Variants in RABGAP1L observed in about 807,000 individuals in gnomAD.
RABGAP1L encodes the protein rab GTPase-activating protein 1-like.
RABGAP1L carries 63 observed loss-of-function variants against 137.7 expected under a neutral mutation model. The ratio of observed to expected loss-of-function variants is 0.46; its 90% confidence interval spans 0.37 to 0.56. The LOEUF (loss-of-function observed/expected upper bound fraction) is 0.56, where lower values mean the gene tolerates loss of function less well. RABGAP1L is among the 20% of genes least tolerant of loss of function. The pLI, the probability that RABGAP1L is intolerant of heterozygous loss-of-function variation, is 0.00. For missense variants in RABGAP1L, 1,095 were observed against 1,244.0 expected (o/e 0.88, Z 1.80); for synonymous variants, 431 against 433.7 (o/e 0.99, Z 0.08).
intron 19 of RABGAP1L, among the ~76,000 whole-genome samples, chr1:174,890,806 G>C (rs1184311516): frequency 6.6e-6 from 1 of 151,692 alleles, no homozygotes; most frequent in Non-Finnish European, 1.5e-5. Context: ...GTTCATGAAG[G>C]GTGTCCTTGT....
intron 17 of RABGAP1L, among the ~76,000 whole-genome samples, chr1:174,734,965 T>TTC (rs918792535): frequency 6.8e-6 from 1 of 147,928 alleles, no homozygotes; most frequent in African/African-American, 2.5e-5. Flanking sequence ...TTTTTTTTTT[T>TTC]TTTTTTTTTT....
At chr1:174,679,780 A>G (rs553052524) in intron 14 of RABGAP1L, among the ~76,000 whole-genome samples, 4 of 152,350 alleles carry the variant, frequency 2.6e-5, no homozygotes, top group African/African-American at 9.6e-5. Context: ...ATTCAACACA[A>G]TCCCAGTCAA....
In RABGAP1L at chr1:174,219,188, A is replaced by G. The variant is rs1669565627; in HGVS notation, c.31A>G (p.Ser11Gly). MEVRASLQKV[S>G]GSSDSVATMN... ...GGTCAGAGCTTCATTACAGAAGGTTAGTGGATCATCTGATTCTGTGGCTAC... is the reference window on the plus strand; with the variant it reads ...GGTCAGAGCTTCATTACAGAAGGTTGGTGGATCATCTGATTCTGTGGCTAC... Residue 11 changes from serine (S) to glycine (G), a missense_variant, in exon 2 of 26, where the codon AGT (serine) becomes GGT (glycine). Ser to Gly is a moderately conservative substitution (Grantham distance 56, BLOSUM62 0). Around this residue, in one of 4 missense-constraint regions of RABGAP1L, gnomAD observed 356 missense variants for 326.3 expected, o/e 1.09. Transcript: ENST00000681986. 6.2e-7 allele frequency: 1 copy of G among 1,605,470 alleles called. No homozygotes were observed.
chr1:174,298,550 A>G (rs1206153064), intron 10 of RABGAP1L, among the ~76,000 whole-genome samples: 1 of 149,466 alleles, frequency 6.7e-6, no homozygotes, highest in Non-Finnish European at 1.5e-5. Context: ...TTTCTTTCCT[A>G]TGGCTTTGAC....
chr1:174,238,192 T>G (rs1183314786), intron 4 of RABGAP1L, among the ~76,000 whole-genome samples: 1 of 152,054 alleles, frequency 6.6e-6, no homozygotes, highest in African/African-American at 2.4e-5. Flanking sequence ...TTCAAAGTTT[T>G]CAACTTCTTT....
intron 7 of RABGAP1L, among the ~76,000 whole-genome samples, chr1:174,267,932 C>T (rs544944701): frequency 6.6e-6 from 1 of 152,094 alleles, no homozygotes; most frequent in African/African-American, 2.4e-5. Flanking sequence ...TTTGTGGTTC[C>T]ACACCACTGT....
At chr1:174,303,248 C>T (rs1677890614) in intron 10 of RABGAP1L, among the ~76,000 whole-genome samples, 1 of 151,630 alleles carries the variant, frequency 6.6e-6, no homozygotes, top group African/African-American at 2.4e-5. Flanking sequence ...GTTCTCAATT[C>T]AGCTTTGCAT....
At chr1:174,808,037 G>A (rs1689490873) in intron 18 of RABGAP1L, among the ~76,000 whole-genome samples, 2 of 146,740 alleles carry the variant, frequency 1.4e-5, no homozygotes, top group Non-Finnish European at 3.0e-5. Flanking sequence ...GGAGTGCAGT[G>A]CAGTGGCGCG....
At position 174,174,195 on chromosome 1, in the gene RABGAP1L, TACACACACACACACACACAC is replaced by T. The variant is rs56864336; in HGVS notation, c.-34+14558_-34+14577del. ...AGCAATGAAGAAATTGGAAAAAAAATACACACACACACACACACACACACACACACACACACACAACTGAA... is the reference window on the plus strand; with the variant it reads ...AGCAATGAAGAAATTGGAAAAAAAATACACACACACACACACACAACTGAA... On this transcript the variant is annotated intron_variant, in intron 1 of 25. Transcript: ENST00000681986. Among the ~76,000 whole-genome samples, 17 of 145,566 alleles carry T rather than the reference TACACACACACACACACACAC, an allele frequency of 1.2e-4. No homozygotes were observed. In the Admixed American group the frequency reaches 1.2e-3, roughly 10 times the overall value.
rs572217399 is a variant in RABGAP1L at position 174,756,468 on chromosome 1, TA to T, written c.2211+4115del. Among the ~76,000 whole-genome samples, 43 of 151,620 alleles carry T rather than the reference TA, an allele frequency of 2.8e-4. No individual in the cohort carries two copies. The South Asian group carries it at 7.7e-3, about 27-fold the overall frequency. On this transcript the variant is annotated intron_variant, in intron 18 of 25. Transcript: ENST00000681986. ...CCCTGCCCTGTACCATATATATATATATTTTTTTTTGAAAGCCACTGACTTT... is the reference window on the plus strand; with the variant it reads ...CCCTGCCCTGTACCATATATATATATTTTTTTTTTGAAAGCCACTGACTTT...
chr1:174,892,443 A>C (rs1191983791), intron 19 of RABGAP1L: 1 of 432,946 alleles, frequency 2.3e-6, no homozygotes, highest in Non-Finnish European at 4.5e-6. Context: ...GAAATTGTTC[A>C]TCAGCGTTAT....
At chr1:174,932,252 G>GC (rs1553285104) in intron 19 of RABGAP1L, among the ~76,000 whole-genome samples, 1 of 140,108 alleles carries the variant, frequency 7.1e-6, no homozygotes, top group Non-Finnish European at 1.6e-5. Flanking sequence ...ATACTTCTTT[G>GC]TTTTTTTTTT....
intron 3 of RABGAP1L, among the ~76,000 whole-genome samples, chr1:174,228,105 TTTC>T (rs1309179669): frequency 2.6e-5 from 4 of 152,068 alleles, no homozygotes; most frequent in Non-Finnish European, 5.9e-5. Flanking sequence ...GTCTTTCATT[TTTC>T]TTCTTATTTT....
intron 18 of RABGAP1L, among the ~76,000 whole-genome samples, chr1:174,769,905 G>C (rs1043701337): frequency 1.3e-5 from 2 of 152,146 alleles, no homozygotes; most frequent in African/African-American, 4.8e-5. Flanking sequence ...ATGGATTTCA[G>C]TTCTCCCTAG....
intron 13 of RABGAP1L, chr1:174,449,036 A>G (rs765811038): frequency 6.2e-7 from 1 of 1,613,934 alleles, no homozygotes; most frequent in Non-Finnish European, 8.5e-7. Context: ...TGCAATAAGT[A>G]ATAGTTTTTG....
At chr1:174,314,412 C>G (rs567089935) in intron 11 of RABGAP1L, among the ~76,000 whole-genome samples, 1 of 152,018 alleles carries the variant, frequency 6.6e-6, no homozygotes, top group Non-Finnish European at 1.5e-5. Flanking sequence ...TTTTCTTAGT[C>G]TGGCTAAAGG....
At chr1:174,340,773 T>C (rs1571298247) in intron 11 of RABGAP1L, among the ~76,000 whole-genome samples, 1 of 152,240 alleles carries the variant, frequency 6.6e-6, no homozygotes, top group Admixed American at 6.5e-5. Flanking sequence ...TTTATATTCT[T>C]TTGGGTATAT....
chr1:174,693,598 T>C (rs1459018331), intron 15 of RABGAP1L, among the ~76,000 whole-genome samples: 1 of 152,208 alleles, frequency 6.6e-6, no homozygotes, highest in Non-Finnish European at 1.5e-5. Flanking sequence ...TTGCAAATGA[T>C]ATTTTATTTT....
At chr1:174,226,142 A>G (rs1267516846) in intron 3 of RABGAP1L, among the ~76,000 whole-genome samples, 8 of 152,190 alleles carry the variant, frequency 5.3e-5, no homozygotes, top group East Asian at 1.9e-4. Context: ...GCTCACTGCT[A>G]TTCTGCAACT....
Sources: allele counts gnomAD v4.1 joint callset (sites outside exome capture counted in the v4.1 genomes callset), GRCh38; gene constraint gnomAD v4.1.1; regional missense constraint gnomAD v4.1.1; transcripts MANE v1.5; gene names NCBI Gene and HGNC (gene_info 2026-07-23, HGNC 2026-07-21).